Variants in RAP1GAP2 observed in about 807,000 individuals in gnomAD.
RAP1GAP2 encodes RAP1 GTPase activating protein 2.
Under a neutral mutation model 95.0 loss-of-function variants are expected in RAP1GAP2, and 27 were observed. The observed-to-expected ratio is 0.28, with a 90% confidence interval of 0.21 to 0.39. RAP1GAP2 has a LOEUF of 0.39. RAP1GAP2 is among the 10% of genes least tolerant of loss of function. The probability of loss-of-function intolerance (pLI) is 1.00; values close to 1 mark genes in which losing one functional copy is unlikely to be tolerated. For missense variants in RAP1GAP2, 771 were observed against 970.0 expected (o/e 0.79, Z 2.72); for synonymous variants, 373 against 380.9 (o/e 0.98, Z 0.24).
At chr17:2,991,100 C>A (rs1365943520) in intron 11 of RAP1GAP2, among the ~76,000 whole-genome samples, 197 bp from the exon 12 acceptor site, 1 of 152,118 alleles carries the variant, frequency 6.6e-6, no homozygotes, top group Non-Finnish European at 1.5e-5. Flanking sequence ...CCGCCTCAGC[C>A]TCCCAAAGTA....
intron 2 of RAP1GAP2, among the ~76,000 whole-genome samples, chr17:2,905,035 C>T (rs1052694694): frequency 3.3e-5 from 5 of 152,182 alleles, no homozygotes; most frequent in Admixed American, 3.3e-4. Context: ...GCGTGCACCA[C>T]CACGCCCAGC....
In RAP1GAP2 at chr17:2,796,691, G is replaced by C; in HGVS notation, c.44+120G>C. 1 of 1,164,028 alleles carries C rather than the reference G, an allele frequency of 8.6e-7. No homozygotes were observed. The highest frequency in any genetic ancestry group is 1.3e-5 in the South Asian group (1 of 75,382). The allele number at this position is 1,164,028 out of a possible 1,614,324, so 72.1% of individuals were successfully genotyped here. On this transcript the variant is annotated intron_variant, in intron 1 of 24. Transcript: ENST00000254695. This position sits in a 1 kb window ranked among gnomAD's most constrained non-coding sequence, Gnocchi z 4.7. ...CGGGCTGTGCCTGAGAGCTGGGTCT[G>C]CTGACGCCCTGGCAGGTCGAGATGC...
chr17:2,957,643 T>C, intron 3 of RAP1GAP2, 116 bp from the exon 4 acceptor site: 1 of 1,188,872 alleles, frequency 8.4e-7, no homozygotes. Flanking sequence ...TCCAAATGAA[T>C]TTTGTCCCTG....
intron 2 of RAP1GAP2, among the ~76,000 whole-genome samples, chr17:2,829,400 A>AGGGCTG (rs1437726121): frequency 2.6e-5 from 4 of 151,970 alleles, no homozygotes; most frequent in Non-Finnish European, 4.4e-5. Context: ...ATCTCCATAA[A>AGGGCTG]GGGCTGGGGC....
chr17:2,998,393 G>T lies in RAP1GAP2; in HGVS notation c.1200+17G>T. 2 of 1,612,330 alleles carry T rather than the reference G, an allele frequency of 1.2e-6. No individual in the cohort carries two copies. The highest frequency in any genetic ancestry group is 1.7e-6 in the Non-Finnish European group (2 of 1,178,502). Reference sequence around the variant, plus strand: ...TCCTACAAGGTAAGGAGAACGCCTTGTTGGAGGGAGTGGTGGGCCTCGACA... The same window carrying T: ...TCCTACAAGGTAAGGAGAACGCCTTTTTGGAGGGAGTGGTGGGCCTCGACA... On this transcript the variant is annotated intron_variant, in intron 14 of 24. Transcript: ENST00000254695.
chr17:2,780,180 T>A (rs111325728), intron 1 of RAP1GAP2, among the ~76,000 whole-genome samples: 15,829 of 152,126 alleles, frequency 0.1, 1,051 homozygotes, highest in East Asian at 0.33. Flanking sequence ...CCTCCCGAGT[T>A]GCTGGGATTA....
At chr17:2,785,213 C>T (rs771202125) in intron 1 of RAP1GAP2, among the ~76,000 whole-genome samples, 5 of 152,088 alleles carry the variant, frequency 3.3e-5, no homozygotes, top group Non-Finnish European at 7.4e-5. Context: ...ACGCAGCCCT[C>T]ATTTAGGGCC....
intron 18 of RAP1GAP2, among the ~76,000 whole-genome samples, 174 bp from the exon 19 acceptor site, chr17:3,020,303 C>T (rs2304981): frequency 2.0e-5 from 3 of 152,176 alleles, no homozygotes; most frequent in Non-Finnish European, 4.4e-5. Context: ...CTGTGACTGG[C>T]CTGAGTCTCC....
chr17:2,963,050 T>G lies in RAP1GAP2; in HGVS notation c.246+336T>G. The G allele has an allele frequency of 1.9e-6, 1 of 522,656 alleles. No individual in the cohort carries two copies. The allele number at this position is 522,656 out of a possible 1,614,324, so 32.4% of individuals were successfully genotyped here. A position where few individuals can be genotyped will look rare whatever the true frequency, so the allele number is the denominator to read the frequency against. On this transcript the variant is annotated intron_variant, in intron 5 of 24. Transcript: ENST00000254695. This position sits in a 1 kb window ranked among gnomAD's most constrained non-coding sequence, Gnocchi z 4.8. ...CCCCGGGTTCCAGTGGGCAGTCAGCTCTCAGCTTCCCAACCCAGGGGTGCC... is the reference window on the plus strand; with the variant it reads ...CCCCGGGTTCCAGTGGGCAGTCAGCGCTCAGCTTCCCAACCCAGGGGTGCC...
At chr17:2,790,105 T>A (rs2068885838) in intron 1 of RAP1GAP2, among the ~76,000 whole-genome samples, 1 of 151,452 alleles carries the variant, frequency 6.6e-6, no homozygotes, top group Admixed American at 6.6e-5. Flanking sequence ...TCTTTCTCCA[T>A]CATCCTTTTT....
chr17:2,880,972 C>T (rs1003968748), intron 2 of RAP1GAP2, among the ~76,000 whole-genome samples: 2 of 151,906 alleles, frequency 1.3e-5, no homozygotes, highest in Middle Eastern at 3.4e-3. Flanking sequence ...ACTAAAAATA[C>T]AAAAATTAGC....
At chr17:2,944,696 TTAGA>T (rs148439619) in intron 3 of RAP1GAP2, among the ~76,000 whole-genome samples, 4,772 of 152,218 alleles carry the variant, frequency 0.031, 238 homozygotes, top group African/African-American at 0.11. Context: ...AGAGATCGCG[TTAGA>T]TAGGTAGATC....
At chr17:2,876,167 G>A (rs1309020254) in intron 2 of RAP1GAP2, among the ~76,000 whole-genome samples, 1 of 151,958 alleles carries the variant, frequency 6.6e-6, no homozygotes, top group African/African-American at 2.4e-5. Context: ...TTGATCTCCT[G>A]ACCTTGTGAG....
chr17:2,986,302 G>A (rs1430613092), intron 11 of RAP1GAP2, among the ~76,000 whole-genome samples: 1 of 152,100 alleles, frequency 6.6e-6, no homozygotes, highest in African/African-American at 2.4e-5. Context: ...GATTATTCAG[G>A]TAGCTACTAT....
chr17:2,801,925 C>G (rs2069318176), intron 2 of RAP1GAP2, among the ~76,000 whole-genome samples: 1 of 152,070 alleles, frequency 6.6e-6, no homozygotes, highest in Non-Finnish European at 1.5e-5. Flanking sequence ...TCTTTTGAGA[C>G]TTAACCAAAG....
intron 2 of RAP1GAP2, among the ~76,000 whole-genome samples, chr17:2,822,454 G>A (rs939572550): frequency 2.9e-4 from 44 of 151,770 alleles, no homozygotes; most frequent in African/African-American, 1.0e-3. Context: ...AAACCTCGTT[G>A]CCAAAGAAAA....
At chr17:2,925,644 G>A (rs1433529098) in intron 3 of RAP1GAP2, among the ~76,000 whole-genome samples, 2 of 152,164 alleles carry the variant, frequency 1.3e-5, no homozygotes, top group Non-Finnish European at 2.9e-5. Flanking sequence ...TGCTCTCCCT[G>A]CCTTTTCTCT....
chr17:2,979,607 C>T (rs760589619), intron 8 of RAP1GAP2, among the ~76,000 whole-genome samples: 1 of 151,634 alleles, frequency 6.6e-6, no homozygotes, highest in Non-Finnish European at 1.5e-5. Flanking sequence ...GCTGGGATTA[C>T]AGGCACCCAC....
intron 8 of RAP1GAP2, among the ~76,000 whole-genome samples, chr17:2,967,966 A>G (rs2044691427): frequency 6.6e-6 from 1 of 152,220 alleles, no homozygotes; most frequent in African/African-American, 2.4e-5. Flanking sequence ...GAGCCTGTGT[A>G]GATTTCTTCT....
Sources: gnomAD v4.1 joint callset for allele counts (sites outside exome capture counted in the v4.1 genomes callset) on GRCh38, gnomAD v4.1.1 for gene constraint, Gnocchi (gnomAD v3.1) non-coding constraint, MANE v1.5 for transcripts, NCBI Gene and HGNC (gene_info 2026-07-23, HGNC 2026-07-21) for gene names.